Variants in STK10 observed in about 807,000 individuals in gnomAD.
STK10 encodes serine/threonine kinase 10.
In STK10, 78 loss-of-function variants were observed where a neutral mutation model predicts 113.8. The observed-to-expected ratio is 0.69, with a 90% CI of 0.57 to 0.83. The LOEUF is 0.83. Ranked by LOEUF, STK10 falls within the 40% of genes least tolerant of loss-of-function variation. STK10 has a pLI of 0.00. For synonymous variants in STK10, 465 were observed against 494.7 expected (o/e 0.94, Z 0.80); for missense variants, 1,109 against 1,280.1 (o/e 0.87, Z 2.04).
chr5:172,098,257 C>T (rs755829969), intron 7 of STK10, among the ~76,000 whole-genome samples: 5 of 152,126 alleles, frequency 3.3e-5, no homozygotes, highest in Non-Finnish European at 5.9e-5. Context: ...TGGCCGGGCG[C>T]GGTGGCTCAA....
At chr5:172,105,540 A>G in intron 7 of STK10, 116 bp downstream of exon 7, 1 of 1,112,316 alleles carries the variant, frequency 9.0e-7, no homozygotes, top group Non-Finnish European at 1.3e-6. Flanking sequence ...CTGATGGACA[A>G]ACAGCTGTCC....
rs150403223 is a variant in STK10 at position 172,057,380 on chromosome 5, T to C, written c.2306A>G (p.Gln769Arg). 6 of 1,565,550 alleles carry C rather than the reference T, an allele frequency of 3.8e-6. No homozygotes were observed. In the African/African-American group the frequency reaches 4.1e-5, roughly 11 times the overall value. ...ATGCTTGCGCAGCAGCTCGTGCCGC[T>C]GGAGGAAGTACTGGTCTTTGAGCTG... ...KQQLKDQYFLQRHELLRKHEK... is the reference protein window; with the variant it reads ...KQQLKDQYFLRRHELLRKHEK... The change falls in exon 15 of 19, where the codon CAG becomes CGG. Residue 769 changes from glutamine to arginine, a missense_variant. Around this residue, in one of 5 missense-constraint regions of STK10, gnomAD observed 885 missense variants for 991.1 expected, o/e 0.89. Transcript: ENST00000176763.
intron 6 of STK10, 98 bp downstream of exon 6, chr5:172,106,522 A>G: frequency 7.6e-7 from 1 of 1,311,234 alleles, no homozygotes; most frequent in Non-Finnish European, 1.0e-6. Context: ...GCACCAGGAG[A>G]ACGCTACCAC....
At chr5:172,052,829 A>T in intron 18 of STK10, 100 bp downstream of exon 18, 1 of 1,098,760 alleles carries the variant, frequency 9.1e-7, no homozygotes, top group South Asian at 1.4e-5. Context: ...ACAAAGCAAG[A>T]GTCCACCAAA....
chr5:172,105,934 G>T (rs1372745212), intron 6 of STK10, among the ~76,000 whole-genome samples, 197 bp from the exon 7 acceptor site: 2 of 152,196 alleles, frequency 1.3e-5, no homozygotes, highest in Non-Finnish European at 2.9e-5. Context: ...AGACATCGGC[G>T]AGGAGCAGGG....
intron 3 of STK10, among the ~76,000 whole-genome samples, chr5:172,124,327 C>A (rs1251100288): frequency 6.6e-6 from 1 of 152,226 alleles, no homozygotes; most frequent in Admixed American, 6.5e-5. Flanking sequence ...CCACCTCCCA[C>A]ATCCCAGACC....
chr5:172,050,551 G>C (rs1001607616), intron 18 of STK10, among the ~76,000 whole-genome samples: 3 of 152,060 alleles, frequency 2.0e-5, no homozygotes, highest in Admixed American at 2.0e-4. Context: ...ACAAATATGG[G>C]TATTTAGCAA....
At position 172,057,124 on chromosome 5, in the gene STK10, G is replaced by GC. The variant is rs1767823058; in HGVS notation, c.2337+224dup. On this transcript the variant is annotated intron_variant, in intron 15 of 18. Transcript: ENST00000176763. Reference sequence around the variant, plus strand: ...AACAGTCAGTGAGGGAGCCACTTGGGCCATTGGCTTCCCTGCATCGTTTCC... The same window carrying GC: ...AACAGTCAGTGAGGGAGCCACTTGGGCCCATTGGCTTCCCTGCATCGTTTCC... The GC allele has an allele frequency of 1.8e-5, 10 of 551,624 alleles. No individual in the cohort carries two copies. In the South Asian group the frequency reaches 2.1e-4, roughly 12 times the overall value. The allele number at this position is 551,624 out of a possible 1,614,324, so 34.2% of individuals were successfully genotyped here.
At chr5:172,123,181 G>A (rs1178990218) in intron 3 of STK10, among the ~76,000 whole-genome samples, 1 of 152,216 alleles carries the variant, frequency 6.6e-6, no homozygotes, top group Admixed American at 6.5e-5. Context: ...GGAGATGGAT[G>A]GAGGGGCAGA....
intron 13 of STK10, chr5:172,063,593 T>A (rs1480231407): frequency 1.3e-5 from 2 of 152,344 alleles, no homozygotes; most frequent in African/African-American, 4.8e-5. Context: ...CTGCTGTCCC[T>A]CTGCGTGGAT....
chr5:172,081,621 C>T (rs756000280), intron 12 of STK10, among the ~76,000 whole-genome samples: 3 of 152,118 alleles, frequency 2.0e-5, no homozygotes, highest in Admixed American at 6.5e-5. Flanking sequence ...CTCTGGGATG[C>T]CCCCGAATGT....
At chr5:172,177,569 G>A (rs1030572234) in intron 1 of STK10, among the ~76,000 whole-genome samples, 6 of 152,184 alleles carry the variant, frequency 3.9e-5, no homozygotes, top group Non-Finnish European at 7.3e-5. Flanking sequence ...CATGTGGCTG[G>A]TGCAGATGGA....
intron 8 of STK10, among the ~76,000 whole-genome samples, chr5:172,096,147 T>A (rs958863770): frequency 2.0e-5 from 3 of 152,202 alleles, no homozygotes; most frequent in Non-Finnish European, 4.4e-5. Flanking sequence ...CATGAATCAG[T>A]TACCAACTTT....
chr5:172,134,235 A>G (rs935625703), intron 2 of STK10, among the ~76,000 whole-genome samples: 1 of 152,122 alleles, frequency 6.6e-6, no homozygotes, highest in African/African-American at 2.4e-5. Flanking sequence ...GTTATCCTAA[A>G]TTTCATCACC....
At chr5:172,061,315 C>T in intron 13 of STK10, 47 bp from the exon 14 acceptor site, 1 of 1,568,950 alleles carries the variant, frequency 6.4e-7, no homozygotes, top group Non-Finnish European at 8.6e-7. Flanking sequence ...CCGGCTTGGG[C>T]ACCTCCATGT....
At chr5:172,144,311 G>A (rs1289280153) in intron 2 of STK10, among the ~76,000 whole-genome samples, 1 of 152,234 alleles carries the variant, frequency 6.6e-6, no homozygotes, top group Non-Finnish European at 1.5e-5. Context: ...GCAGAGGTAG[G>A]CATGACCATC....
At chr5:172,143,280 A>C (rs34945246) in intron 2 of STK10, among the ~76,000 whole-genome samples, 12,353 of 152,180 alleles carry the variant, frequency 0.081, 634 homozygotes, top group South Asian at 0.15. Context: ...GCAGGAGAAT[A>C]GCTTGAACCG....
At chr5:172,149,268 C>T (rs1276620428) in intron 2 of STK10, among the ~76,000 whole-genome samples, 5 of 152,222 alleles carry the variant, frequency 3.3e-5, no homozygotes, top group Non-Finnish European at 2.9e-5. Context: ...CCTGACGAGG[C>T]CAACTATCCA....
chr5:172,101,822 A>G (rs1768996192), intron 7 of STK10, among the ~76,000 whole-genome samples: 1 of 152,210 alleles, frequency 6.6e-6, no homozygotes, highest in African/African-American at 2.4e-5. Context: ...ATCCGGAGGA[A>G]GGCCATTCCA....
Sources: allele counts gnomAD v4.1 joint callset (sites outside exome capture counted in the v4.1 genomes callset), GRCh38; gene constraint gnomAD v4.1.1; regional missense constraint gnomAD v4.1.1; transcripts MANE v1.5; gene names NCBI Gene and HGNC (gene_info 2026-07-23, HGNC 2026-07-21).